MATK: variants seen among roughly 807,000 people sequenced by gnomAD.
The protein encoded by MATK is megakaryocyte-associated tyrosine kinase.
In MATK, 41 loss-of-function variants were observed where a neutral mutation model predicts 59.8. The observed-to-expected ratio is 0.69, with a 90% CI of 0.53 to 0.89. MATK has a LOEUF of 0.89. MATK is among the 40% of genes least tolerant of loss of function. The probability of loss-of-function intolerance (pLI) is 0.00; values close to 1 mark genes in which losing one functional copy is unlikely to be tolerated. For synonymous variants in MATK, 308 were observed against 306.1 expected (o/e 1.01, Z -0.06); for missense variants, 593 against 719.6 (o/e 0.82, Z 2.01).
At position 3,784,205 on chromosome 19, in the gene MATK, C is replaced by A; in HGVS notation, c.281G>T (p.Ser94Ile). ...AGCTGCCAGCAGCCCCTCCTGTCCA[C>A]TGGTGTGGTGCTTGACGCGGTACCA... ...KSWYRVKHHT[S>I]GQEGLLAAGA... The change falls in exon 5 of 14, where the codon AGT becomes ATT. Residue 94 changes from serine (S) to isoleucine (I), a missense_variant. Coordinates refer to ENST00000310132, the MANE Select transcript of MATK (RefSeq NM_139355.3). 3.1e-6 allele frequency: 5 copies of A among 1,613,700 alleles called. No individual in the cohort carries two copies. Among genetic ancestry groups the A allele is most frequent in the Non-Finnish European group, 4.2e-6 (5 of 1,179,818 alleles).
At chr19:3,788,041 G>A (rs77851358), upstream of MATK, among the ~76,000 whole-genome samples, 1,708 of 149,530 alleles carry the variant, frequency 0.011, 15 homozygotes, top group Non-Finnish European at 0.018. Flanking sequence ...GGGACTACAC[G>A]TGCACACCAT....
intron 1 of MATK, among the ~76,000 whole-genome samples, chr19:3,795,800 C>G (rs779026478): frequency 2.9e-5 from 3 of 103,576 alleles, no homozygotes; most frequent in Non-Finnish European, 5.2e-5. Context: ...CTCACTGTTT[C>G]GTCCAGGCTG....
intron 6 of MATK, chr19:3,783,443 T>C (rs2037430090): frequency 1.7e-6 from 1 of 599,414 alleles, no homozygotes; most frequent in Non-Finnish European, 3.0e-6. Context: ...GTCACTCTAG[T>C]CCCTGGAGGT....
chr19:3,793,743 C>T (rs1002101101), intron 1 of MATK, among the ~76,000 whole-genome samples: 2 of 151,466 alleles, frequency 1.3e-5, no homozygotes, highest in African/African-American at 4.8e-5. Context: ...GTGGCATGTG[C>T]CTATAATCCC....
At chr19:3,789,788 GATC>G (rs2037523537), upstream of MATK, among the ~76,000 whole-genome samples, 1 of 41,336 alleles carries the variant, frequency 2.4e-5, no homozygotes, top group Non-Finnish European at 8.1e-5. Context: ...GCAGTGGCCT[GATC>G]TCGGCTCACT....
In MATK at chr19:3,784,413, G is replaced by T; in HGVS notation, c.171C>A (p.Cys57Ter). 1.9e-6 allele frequency: 3 copies of T among 1,602,398 alleles called. No homozygotes were observed. The highest frequency in any genetic ancestry group is 1.7e-6 in the Non-Finnish European group (2 of 1,176,594). Residue 57 changes from cysteine to a stop codon, truncating the protein, a stop_gained, in exon 4 of 14, where the codon TGC becomes TGA. Coordinates refer to ENST00000310132, the MANE Select transcript of MATK (RefSeq NM_139355.3). LOFTEE classifies it high-confidence loss of function. The part of the protein sequence containing the change: ...WAPGTQCITK[C>*]EHTRPKPGEL... ...CCCCTGGCTTGGGGCGGGTGTGCTC[G>T]CATTTGGTGATACACTGGGTGCCCG...
At position 3,800,141 on chromosome 19, in the gene MATK, C is replaced by CAA. The variant is rs1219497192; in HGVS notation, c.-58+1389_-58+1390dup. ...TGGGCAACAGAGCGAGACTCCGTCT[C>CAA]AAAAAAAAAAAAAAGAAAAAAAGGA... On this transcript the variant is annotated intron_variant, in intron 1 of 13. Transcript: ENST00000395045. 1.1e-3 allele frequency among the ~76,000 whole-genome samples: 90 copies of CAA among 85,500 alleles called. 2 individuals are homozygous for CAA. The highest frequency in any genetic ancestry group is 3.2e-3 in the African/African-American group (73 of 22,758). 56.1% of individuals were successfully genotyped at this position (85,500 alleles called of 152,430 possible). A position where few individuals can be genotyped will look rare whatever the true frequency, so the allele number is the denominator to read the frequency against.
At position 3,779,153 on chromosome 19, in the gene MATK, T is replaced by G; in HGVS notation, c.1036A>C (p.Lys346Gln). ...VAEGMEYLES[K>Q]KLVHRDLAAR... ...GCCAGGTCGCGGTGCACAAGCTTCT[T>G]GCTCTCCAGGTACTCCATGCCCTCG... Residue 346 changes from lysine to glutamine, a missense_variant, in exon 12 of 14, where the codon AAG becomes CAG. Coordinates refer to ENST00000310132, the MANE Select transcript of MATK (RefSeq NM_139355.3). 1.2e-6 allele frequency: 2 copies of G among 1,605,686 alleles called. No homozygotes were observed.
intron 1 of MATK, among the ~76,000 whole-genome samples, chr19:3,795,293 GAC>G (rs1418217761): frequency 1.5e-4 from 20 of 134,258 alleles, no homozygotes; most frequent in African/African-American, 5.2e-4. Flanking sequence ...TTTTTTTTGA[GAC>G]AGAGTCTCAC....
chr19:3,786,974 C>G (rs565470777), upstream of MATK, among the ~76,000 whole-genome samples: 10 of 152,058 alleles, frequency 6.6e-5, no homozygotes, highest in East Asian at 1.9e-3. This position sits in a 1 kb window ranked among gnomAD's most constrained non-coding sequence, Gnocchi z 4.1. Flanking sequence ...TTTCCTCCCC[C>G]ATATGGAGGG....
intron 1 of MATK, among the ~76,000 whole-genome samples, chr19:3,799,281 C>T (rs936701507): frequency 3.3e-5 from 5 of 152,076 alleles, no homozygotes; most frequent in African/African-American, 7.2e-5. Flanking sequence ...AAGCTTAAGG[C>T]GGTAACATGA....
In MATK at chr19:3,779,014, G is replaced by A. The variant is rs1242842135; in HGVS notation, c.1175C>T (p.Ala392Val). 4 of 1,577,636 alleles carry A rather than the reference G, an allele frequency of 2.5e-6. No individual in the cohort carries two copies. Among genetic ancestry groups the A allele is most frequent in the Non-Finnish European group, 2.6e-6 (3 of 1,164,386 alleles). Residue 392 changes from alanine (A) to valine (V), a missense_variant, in exon 12 of 14, where the codon GCG becomes GTG. Ala to Val is a moderately conservative substitution (Grantham distance 64). Transcript: ENST00000310132. ...DSSRLPVKWT[A>V]PEALKHGKFT... ...CACCCCGTGTTTGAGAGCCTCGGGCGCCGTCCACTTGACGGGCAGCCGGCT... is the reference window on the plus strand; with the variant it reads ...CACCCCGTGTTTGAGAGCCTCGGGCACCGTCCACTTGACGGGCAGCCGGCT...
intron 1 of MATK, among the ~76,000 whole-genome samples, chr19:3,801,045 A>G (rs2037638665): frequency 6.6e-6 from 1 of 151,964 alleles, no homozygotes. Flanking sequence ...TTTTTAGTAC[A>G]GACGGGGTTT....
upstream of MATK, chr19:3,789,464 G>A: frequency 1.7e-6 from 1 of 581,006 alleles, no homozygotes; most frequent in Admixed American, 3.2e-5. Flanking sequence ...CCGGGCAGGA[G>A]GCCTCACCCC....
intron 1 of MATK, among the ~76,000 whole-genome samples, chr19:3,794,874 A>C (rs2037578002): frequency 6.6e-6 from 1 of 152,030 alleles, no homozygotes; most frequent in Admixed American, 6.6e-5. Flanking sequence ...TTTCAGGGAC[A>C]CCATAGATAA....
intron 7 of MATK, among the ~76,000 whole-genome samples, chr19:3,781,897 T>C (rs1410616660): frequency 6.6e-6 from 1 of 152,180 alleles, no homozygotes; most frequent in Non-Finnish European, 1.5e-5. Context: ...CAGGTTGACC[T>C]GAACAAAAAG....
chr19:3,792,521 T>TC (rs2074706522), intron 1 of MATK, among the ~76,000 whole-genome samples: 1 of 144,248 alleles, frequency 6.9e-6, no homozygotes, highest in Non-Finnish European at 1.5e-5. Context: ...TTTTTTTTTT[T>TC]TTTTTTTTTT....
upstream of MATK, among the ~76,000 whole-genome samples, chr19:3,786,780 A>G (rs76647623): frequency 7.9e-5 from 12 of 152,240 alleles, no homozygotes; most frequent in East Asian, 2.3e-3. The surrounding 1 kb of genome is among the most constrained non-coding windows in gnomAD (Gnocchi z 4.1). Context: ...GTCAGCCGCT[A>G]TCAATATCAT....
chr19:3,780,842 C>G (rs1276685009), intron 8 of MATK, among the ~76,000 whole-genome samples: 3 of 151,796 alleles, frequency 2.0e-5, no homozygotes, highest in African/African-American at 7.3e-5. Context: ...TTCAAGGGAT[C>G]CTCCCATCCC....
Sources: allele counts gnomAD v4.1 joint callset (sites outside exome capture counted in the v4.1 genomes callset), GRCh38; gene constraint gnomAD v4.1.1; non-coding constraint Gnocchi (gnomAD v3.1); transcripts MANE v1.5; gene names NCBI Gene and HGNC (gene_info 2026-07-23, HGNC 2026-07-21).